LRRC8C: variants seen among roughly 807,000 people sequenced by gnomAD.
LRRC8C encodes volume-regulated anion channel subunit LRRC8C.
Under a neutral mutation model 55.3 loss-of-function variants are expected in LRRC8C, and 20 were observed. That is an observed-to-expected ratio of 0.36 (90% CI 0.25 to 0.53). The LOEUF (loss-of-function observed/expected upper bound fraction) is 0.53. Among genes scored for constraint, LRRC8C ranks in the 20% least tolerant of loss-of-function variants. LRRC8C has a pLI of 0.92. For missense variants in LRRC8C, 659 were observed against 951.4 expected, an observed-to-expected ratio of 0.69 and a Z score of 4.04; for synonymous variants, 376 against 360.7, an observed-to-expected ratio of 1.04 and a Z score of -0.48.
chr1:89,665,750 G>A (rs1447476751), intron 1 of LRRC8C, among the ~76,000 whole-genome samples: 2 of 152,040 alleles, frequency 1.3e-5, no homozygotes, highest in Non-Finnish European at 2.9e-5. Flanking sequence ...TTATTATAAA[G>A]TCTACGGCAG....
chr1:89,631,598 A>AT (rs34414440), upstream of LRRC8C: 4,825 of 149,346 alleles, frequency 0.032, 252 homozygotes, highest in African/African-American at 0.11. Context: ...AGGTACTTGA[A>AT]TTTTTTTTTT....
intron 2 of LRRC8C, among the ~76,000 whole-genome samples, chr1:89,694,081 G>A (rs191745702): frequency 6.6e-5 from 10 of 152,096 alleles, no homozygotes; most frequent in Admixed American, 6.5e-4. Flanking sequence ...TCATCTCTGT[G>A]GGGATGGTAG....
rs1027247434 is a variant in LRRC8C, at chr1:89,633,284, C to T, written c.-43C>T. 6.6e-6 allele frequency: 1 copy of T among 152,484 alleles called. No individual in the cohort carries two copies. The highest frequency in any genetic ancestry group is 2.4e-5 in the African/African-American group (1 of 41,458). 9.4% of individuals were successfully genotyped at this position (152,484 alleles called of 1,614,324 possible). The stretch of plus-strand genomic sequence containing the variant: ...CCCGACCCCCAGGCAGCTCGCCGCT[C>T]CCTAGCACCTTCTCCAGTCGACACT... On this transcript the variant is annotated 5_prime_UTR_variant, in exon 1 of 3. Transcript: ENST00000370454.
chr1:89,699,427 C>T (rs1269957401), intron 2 of LRRC8C, among the ~76,000 whole-genome samples: 3 of 152,146 alleles, frequency 2.0e-5, no homozygotes, highest in African/African-American at 7.2e-5. Context: ...AAATGTACCA[C>T]TGTGGTTGAG....
intron 1 of LRRC8C, among the ~76,000 whole-genome samples, chr1:89,670,233 G>A (rs995958671): frequency 2.6e-5 from 4 of 152,118 alleles, no homozygotes; most frequent in East Asian, 3.8e-4. Flanking sequence ...CTTTTTGCGT[G>A]TTGCCATAGT....
intron 1 of LRRC8C, among the ~76,000 whole-genome samples, chr1:89,669,912 T>C (rs959087820): frequency 1.3e-5 from 2 of 152,206 alleles, no homozygotes; most frequent in African/African-American, 4.8e-5. Flanking sequence ...CTATTTCTTA[T>C]GTTTGTTTCT....
chr1:89,654,264 G>A (rs1656875437), intron 1 of LRRC8C, among the ~76,000 whole-genome samples: 1 of 152,280 alleles, frequency 6.6e-6, no homozygotes, highest in African/African-American at 2.4e-5. Flanking sequence ...AGACTTGGAA[G>A]GGTAGAAGTG....
intron 1 of LRRC8C, among the ~76,000 whole-genome samples, chr1:89,665,897 T>C (rs1347911269): frequency 1.3e-5 from 2 of 152,178 alleles, no homozygotes; most frequent in Admixed American, 1.3e-4. Context: ...TTTATACATT[T>C]TTATTTTACC....
intron 2 of LRRC8C, among the ~76,000 whole-genome samples, chr1:89,697,925 T>TA (rs573053338): frequency 6.6e-6 from 1 of 152,192 alleles, no homozygotes; most frequent in Non-Finnish European, 1.5e-5. Context: ...AATGAAGGGT[T>TA]AAAAAAATGA....
chr1:89,687,422 G>A (rs144494551), intron 2 of LRRC8C, among the ~76,000 whole-genome samples: 1 of 152,326 alleles, frequency 6.6e-6, no homozygotes, highest in African/African-American at 2.4e-5. Flanking sequence ...TCTGAGTCAT[G>A]GATGTGAGAA....
intron 2 of LRRC8C, among the ~76,000 whole-genome samples, chr1:89,698,613 C>T (rs1658235236): frequency 6.6e-6 from 1 of 151,954 alleles, no homozygotes; most frequent in Non-Finnish European, 1.5e-5. Context: ...ATAAAAGTAC[C>T]ATTATACTTT....
intron 1 of LRRC8C, among the ~76,000 whole-genome samples, chr1:89,668,713 C>T (rs1021091830): frequency 3.3e-5 from 5 of 152,158 alleles, no homozygotes; most frequent in African/African-American, 9.7e-5. Flanking sequence ...ACAGGCTTTC[C>T]AATCTTGGAG....
At chr1:89,672,061 A>C (rs1657432170) in intron 1 of LRRC8C, among the ~76,000 whole-genome samples, 1 of 152,198 alleles carries the variant, frequency 6.6e-6, no homozygotes. Context: ...ACAGAAACAA[A>C]ACATTTATGA....
Position 89,713,231 on chromosome 1 carries a change from G to A in LRRC8C, c.661G>A (p.Val221Ile), listed in dbSNP as rs753432936. 16 of 1,614,216 alleles carry A rather than the reference G, an allele frequency of 9.9e-6. No individual in the cohort carries two copies. The highest frequency in any genetic ancestry group is 1.3e-5 in the Non-Finnish European group (15 of 1,180,038). The change falls in exon 3 of 3, where the codon GTA (valine) becomes ATA (isoleucine). Residue 221 changes from valine to isoleucine, a missense_variant. Val to Ile is a conservative substitution (Grantham distance 29, BLOSUM62 3). This residue lies in a region of LRRC8C where 200 missense variants were observed against 360.5 expected (regional missense o/e 0.55). Coordinates refer to ENST00000370454, the MANE Select transcript of LRRC8C (RefSeq NM_032270.5). The surrounding 1 kb of genome is among the most constrained non-coding windows in gnomAD (Gnocchi z 5.2). ...QSLKSIPEKF[V>I]VDKSTAGALD... Reference sequence around the variant, plus strand: ...TTTAAAGTCCATTCCTGAGAAGTTTGTAGTTGATAAATCCACTGCAGGGGC... The same window carrying A: ...TTTAAAGTCCATTCCTGAGAAGTTTATAGTTGATAAATCCACTGCAGGGGC...
chr1:89,630,319 A>G (rs1656071802), upstream of LRRC8C, among the ~76,000 whole-genome samples: 1 of 152,220 alleles, frequency 6.6e-6, no homozygotes, highest in African/African-American at 2.4e-5. Context: ...ATATTCCAAT[A>G]GACTGATGAG....
intron 2 of LRRC8C, among the ~76,000 whole-genome samples, chr1:89,688,773 T>C (rs534285141): frequency 6.6e-6 from 1 of 152,244 alleles, no homozygotes; most frequent in Non-Finnish European, 1.5e-5. Flanking sequence ...CATTATGGCA[T>C]AAATGACTGC....
In LRRC8C at chr1:89,714,034, C is replaced by T. The variant is rs1184782575; in HGVS notation, c.1464C>T (p.Phe488=). Residue 488 remains phenylalanine, a synonymous_variant, in exon 3 of 3, where the codon TTC becomes TTT. Transcript: ENST00000370454. This position sits in a 1 kb window ranked among gnomAD's most constrained non-coding sequence, Gnocchi z 4.6. The part of the protein sequence containing the change: ...SVKIHSAALS[F]LKENLKVLSV... ...AAATCCACAGTGCGGCGCTCTCTTT[C>T]CTGAAGGAAAACCTCAAGGTCTTGA... is the stretch of plus-strand genomic sequence containing the variant. 1 of 1,613,696 alleles carries T rather than the reference C, an allele frequency of 6.2e-7. No homozygotes were observed.
chr1:89,709,741 GT>G (rs746711104), intron 2 of LRRC8C, among the ~76,000 whole-genome samples: 8 of 91,892 alleles, frequency 8.7e-5, no homozygotes, highest in Admixed American at 1.3e-4. Context: ...TTTGTGTGTG[GT>G]TTTTTTTTGT....
the LRRC8C span, among the ~76,000 whole-genome samples, chr1:89,619,031 G>C: frequency 2.0e-5 from 3 of 152,158 alleles, no homozygotes; most frequent in Non-Finnish European, 4.4e-5. Flanking sequence ...ATTTATGAGG[G>C]ATTTGAAGAG....
Sources: gnomAD v4.1 joint callset for allele counts (sites outside exome capture counted in the v4.1 genomes callset) on GRCh38, gnomAD v4.1.1 for gene constraint, gnomAD v4.1.1 regional missense constraint, Gnocchi (gnomAD v3.1) non-coding constraint, MANE v1.5 for transcripts, NCBI Gene and HGNC (gene_info 2026-07-23, HGNC 2026-07-21) for gene names.